The following SLC9A9 variants were observed in gnomAD, a reference collection of about 807,000 sequenced individuals.
The protein encoded by SLC9A9 is solute carrier family 9 member A9.
Under a neutral mutation model 77.8 loss-of-function variants are expected in SLC9A9, and 62 were observed. The ratio of observed to expected loss-of-function variants is 0.80; its 90% CI spans 0.65 to 0.98. SLC9A9 has a LOEUF of 0.98. SLC9A9 is among the 50% of genes least tolerant of loss of function. The pLI is 0.00. For synonymous variants in SLC9A9, 320 were observed against 283.5 expected (o/e 1.13, Z -1.29); for missense variants, 775 against 774.9 (o/e 1.00, Z 0.00).
intron 9 of SLC9A9, among the ~76,000 whole-genome samples, chr3:143,509,810 G>T (rs2036086105): frequency 1.3e-5 from 2 of 152,268 alleles, no homozygotes; most frequent in South Asian, 4.1e-4. Context: ...TATGGAGAAA[G>T]ACTGTACTAT....
intron 14 of SLC9A9, among the ~76,000 whole-genome samples, chr3:143,328,745 G>A (rs1269403711): frequency 1.3e-5 from 2 of 152,212 alleles, no homozygotes; most frequent in African/African-American, 2.4e-5. Context: ...GCTAGAAGAT[G>A]TTTGGATTGT....
At chr3:143,405,509 TG>T (rs1446421612) in intron 12 of SLC9A9, among the ~76,000 whole-genome samples, 3 of 152,160 alleles carry the variant, frequency 2.0e-5, no homozygotes, top group African/African-American at 7.2e-5. Context: ...CCTCCTGAAA[TG>T]GCACCTCTGT....
chr3:143,508,138 G>T (rs1191988070), intron 9 of SLC9A9, among the ~76,000 whole-genome samples: 1 of 152,178 alleles, frequency 6.6e-6, no homozygotes, highest in African/African-American at 2.4e-5. Context: ...GCCATTGCCA[G>T]TCAGATGAGT....
Position 143,294,917 on chromosome 3 carries a change from G to A in SLC9A9, c.1605-25937C>T, listed in dbSNP as rs572713037. ...ATTAATATTTATAATTTCAATTAAT[G>A]CTTATGACACAAAATTTTTATCTGC... On this transcript the variant is annotated intron_variant, in intron 14 of 15. Coordinates refer to ENST00000316549, the MANE Select transcript of SLC9A9 (RefSeq NM_173653.4). 2.2e-4 allele frequency among the ~76,000 whole-genome samples: 33 copies of A among 152,264 alleles called. 1 individual carries two copies. In the South Asian group the frequency reaches 6.8e-3, roughly 32 times the overall value.
chr3:143,385,925 C>T (rs2033413304), intron 12 of SLC9A9, among the ~76,000 whole-genome samples: 1 of 152,158 alleles, frequency 6.6e-6, no homozygotes, highest in Admixed American at 6.5e-5. Flanking sequence ...TCTGGCCATA[C>T]AATAATCTGC....
At chr3:143,761,621 C>T (rs138690004) in intron 4 of SLC9A9, among the ~76,000 whole-genome samples, 2 of 152,280 alleles carry the variant, frequency 1.3e-5, no homozygotes, top group South Asian at 2.1e-4. Context: ...CAGAGAAATG[C>T]AAATCAAAAC....
chr3:143,574,975 G>A (rs1019412967), intron 7 of SLC9A9, among the ~76,000 whole-genome samples: 2 of 152,288 alleles, frequency 1.3e-5, no homozygotes, highest in South Asian at 4.1e-4. Flanking sequence ...ATGTGATCGT[G>A]TTGCATTTTT....
intron 1 of SLC9A9, among the ~76,000 whole-genome samples, chr3:143,835,934 C>A (rs1559820764): frequency 6.6e-6 from 1 of 152,230 alleles, no homozygotes; most frequent in Non-Finnish European, 1.5e-5. Context: ...TTGGCAGCAT[C>A]TCCTTCTCTA....
chr3:143,309,541 T>C (rs1437121019), intron 14 of SLC9A9, among the ~76,000 whole-genome samples: 1 of 152,206 alleles, frequency 6.6e-6, no homozygotes, highest in African/African-American at 2.4e-5. Context: ...GTAGTTTTTA[T>C]TTAGCAAGGA....
chr3:143,482,202 A>T (rs2035585968), intron 11 of SLC9A9, among the ~76,000 whole-genome samples: 1 of 148,698 alleles, frequency 6.7e-6, no homozygotes, highest in Admixed American at 7.2e-5. Flanking sequence ...AAATTTTCTT[A>T]AAGTTTGTCT....
chr3:143,283,267 G>A (rs944327007), intron 14 of SLC9A9, among the ~76,000 whole-genome samples: 2 of 152,192 alleles, frequency 1.3e-5, no homozygotes, highest in Non-Finnish European at 2.9e-5. Context: ...GGCACAAGAC[G>A]GTGGCCTTAG....
chr3:143,577,952 A>G (rs2037389105), intron 7 of SLC9A9, among the ~76,000 whole-genome samples: 1 of 152,182 alleles, frequency 6.6e-6, no homozygotes, highest in African/African-American at 2.4e-5. Flanking sequence ...CCACCAGACC[A>G]GCTTCTTTCT....
chr3:143,689,442 A>G (rs1933386026), intron 5 of SLC9A9, among the ~76,000 whole-genome samples: 2 of 152,172 alleles, frequency 1.3e-5, no homozygotes, highest in Admixed American at 1.3e-4. Context: ...TCTGTCACTC[A>G]GGCTGGAGTG....
At position 143,578,719 on chromosome 3, in the gene SLC9A9, T is replaced by C. The variant is rs191690859; in HGVS notation, c.760A>G (p.Ile254Val). The C allele has an allele frequency of 8.6e-5, 139 of 1,613,956 alleles. No individual in the cohort carries two copies. The highest frequency in any genetic ancestry group is 1.1e-4 in the Non-Finnish European group (132 of 1,179,870). ...DAVAIVLTYS[I>V]SIYSPKENPN... is the part of the protein sequence containing the mutation. The stretch of plus-strand genomic sequence containing the variant: ...TTCTCCTTGGGACTGTAAATGGATA[T>C]AGAACTGAAAAGAGAAGAGGGTGGA... Residue 254 changes from isoleucine (I) to valine (V), a missense_variant, in exon 7 of 16, where the codon ATA (isoleucine) becomes GTA (valine). Transcript: ENST00000316549.
At chr3:143,366,768 T>C (rs530969376) in intron 13 of SLC9A9, among the ~76,000 whole-genome samples, 2 of 152,274 alleles carry the variant, frequency 1.3e-5, no homozygotes, top group East Asian at 1.9e-4. Flanking sequence ...GGGATACATA[T>C]AGGTTTTCAA....
intron 15 of SLC9A9, 140 bp downstream of exon 15, chr3:143,268,732 CAAA>C (rs11312794): frequency 0.035 from 7,958 of 226,746 alleles, no homozygotes; most frequent in Middle Eastern, 0.055. Context: ...GACTCCGTCT[CAAA>C]AAAAAAAAAA....
chr3:143,484,945 T>C (rs1455990593), intron 11 of SLC9A9, among the ~76,000 whole-genome samples: 1 of 152,204 alleles, frequency 6.6e-6, no homozygotes, highest in Non-Finnish European at 1.5e-5. Flanking sequence ...TAGACAACTA[T>C]TACACTGGCA....
At chr3:143,734,775 G>C (rs1404441436) in intron 4 of SLC9A9, among the ~76,000 whole-genome samples, 1 of 150,940 alleles carries the variant, frequency 6.6e-6, no homozygotes, top group Non-Finnish European at 1.5e-5. Context: ...CTTCTACAGA[G>C]AGATTCATCA....
chr3:143,568,462 A>G (rs193191664), intron 8 of SLC9A9, among the ~76,000 whole-genome samples: 403 of 152,292 alleles, frequency 2.6e-3, no homozygotes, highest in African/African-American at 9.5e-3. Flanking sequence ...TGTTCCTTTC[A>G]TGCCTATATG....
Sources: gnomAD v4.1 joint callset for allele counts (sites outside exome capture counted in the v4.1 genomes callset) on GRCh38, gnomAD v4.1.1 for gene constraint, MANE v1.5 for transcripts, NCBI Gene and HGNC (gene_info 2026-07-23, HGNC 2026-07-21) for gene names.